The following ABI3BP variants were observed in gnomAD, a reference collection of about 807,000 sequenced individuals.
ABI3BP encodes target of Nesh-SH3.
In ABI3BP, 216 loss-of-function variants were observed where a neutral mutation model predicts 268.6. The ratio of observed to expected loss-of-function variants is 0.80; its 90% confidence interval spans 0.72 to 0.90. The LOEUF is 0.90. Ranked by LOEUF, ABI3BP falls within the 40% of genes least tolerant of loss-of-function variation. The pLI is 0.00. For missense variants in ABI3BP, 2,090 were observed against 2,182.4 expected (o/e 0.96, Z 0.84); for synonymous variants, 730 against 730.0 (o/e 1.00, Z 0.00).
Position 100,898,813 on chromosome 3 carries a change from A to G in ABI3BP, c.410T>C (p.Leu137Pro). ...TGTCCAGTCATGGTGTGGGTTGATG[A>G]GGAAACCCCAGGACAGGAAGACCGA... ...PSSVFLSWGFLINPHHDWTLP... is the reference protein window; with the variant it reads ...PSSVFLSWGFPINPHHDWTLP... Residue 137 changes from leucine to proline, a missense_variant, in exon 4 of 68, where the codon CTC becomes CCC. Leu to Pro is a moderately conservative substitution (Grantham distance 98). Coordinates refer to ENST00000471714, the MANE Select transcript of ABI3BP (RefSeq NM_001375547.2). 1 of 1,613,764 alleles carries G rather than the reference A, an allele frequency of 6.2e-7. No individual in the cohort carries two copies. Among genetic ancestry groups the G allele is most frequent in the Non-Finnish European group, 8.5e-7 (1 of 1,179,764 alleles).
chr3:100,886,630 G>A (rs750989481), intron 4 of ABI3BP, among the ~76,000 whole-genome samples: 12 of 151,846 alleles, frequency 7.9e-5, no homozygotes, highest in South Asian at 2.1e-4. Flanking sequence ...TAGAAAAAAC[G>A]TAGATATTAC....
chr3:100,973,246 A>G (rs756842961), intron 1 of ABI3BP, among the ~76,000 whole-genome samples: 2 of 152,160 alleles, frequency 1.3e-5, no homozygotes, highest in Non-Finnish European at 2.9e-5. Context: ...TGTATTAAGT[A>G]AGGCATCTTT....
In ABI3BP at chr3:100,842,031, G is replaced by C. The variant is rs2098712447; in HGVS notation, c.1732C>G (p.Pro578Ala). 1 of 1,534,660 alleles carries C rather than the reference G, an allele frequency of 6.5e-7. No individual in the cohort carries two copies. The highest frequency in any genetic ancestry group is 8.7e-7 in the Non-Finnish European group (1 of 1,145,798). Residue 578 changes from proline (P) to alanine (A), a missense_variant, in exon 21 of 68, where the codon CCT becomes GCT. By Grantham distance (27) the Pro-to-Ala change is conservative. Coordinates refer to ENST00000471714, the MANE Select transcript of ABI3BP (RefSeq NM_001375547.2). Reference protein sequence around the residue: ...EVTHTKPAPEPQTLLPSQSTI... With the variant: ...EVTHTKPAPEAQTLLPSQSTI... ...GACTGTGATGGCAGTAGAGTCTGAG[G>C]TTCTGGGGCTGTAATAAAAGCAAGT...
chr3:100,759,451 A>C (rs1321452524), intron 63 of ABI3BP, among the ~76,000 whole-genome samples: 1 of 152,106 alleles, frequency 6.6e-6, no homozygotes, highest in Non-Finnish European at 1.5e-5. Context: ...CCAAGGGGGC[A>C]CTCAGAAGAC....
At chr3:100,825,900 T>A (rs111867348) in intron 34 of ABI3BP, 56 bp from the exon 35 acceptor site, 212 of 1,287,328 alleles carry the variant, frequency 1.6e-4, no homozygotes, top group Non-Finnish European at 2.2e-4. Context: ...AGCTATAGTA[T>A]TCACATCAAA....
chr3:100,927,190 C>T (rs2062044380), intron 1 of ABI3BP, among the ~76,000 whole-genome samples: 3 of 152,070 alleles, frequency 2.0e-5, no homozygotes, highest in Admixed American at 1.3e-4. Flanking sequence ...GAAGAGAGAC[C>T]TTAATCAAAT....
In ABI3BP at chr3:100,877,215, C is replaced by A. The variant is rs151055804; in HGVS notation, c.697-655G>T. Among the ~76,000 whole-genome samples, 498 of 152,256 alleles carry A rather than the reference C, an allele frequency of 3.3e-3. 2 individuals carry two copies. The highest frequency in any genetic ancestry group is 0.012 in the African/African-American group (481 of 41,556). ...ATATGACACCGCCAAATTGTTTTTA[C>A]AGTCCCTCTCAAAAAGATGCTAAGC... On this transcript the variant is annotated intron_variant, in intron 6 of 67. Transcript: ENST00000471714.
In ABI3BP at chr3:100,864,505, G is replaced by A. The variant is rs967195123; in HGVS notation, c.1063+328C>T. ...AGAAAGCACAGAGTCAAGACTTCCAGGTTTCCTTCATTCTCCCCCAAGATT... is the reference window on the plus strand; with the variant it reads ...AGAAAGCACAGAGTCAAGACTTCCAAGTTTCCTTCATTCTCCCCCAAGATT... On this transcript the variant is annotated intron_variant, in intron 11 of 67. Coordinates refer to ENST00000471714, the MANE Select transcript of ABI3BP (RefSeq NM_001375547.2). The A allele has an allele frequency of 9.4e-6, 3 of 319,948 alleles. No homozygotes were observed. The Admixed American group carries it at 1.4e-4, about 15-fold the overall frequency. The allele number at this position is 319,948 out of a possible 1,614,324, so 19.8% of individuals were successfully genotyped here.
intron 59 of ABI3BP, 62 bp downstream of exon 59, chr3:100,778,222 G>T: frequency 1.3e-6 from 2 of 1,505,944 alleles, no homozygotes; most frequent in Non-Finnish European, 1.8e-6. Context: ...GCCAAGAAGA[G>T]CTTATGTTGG....
intron 54 of ABI3BP, among the ~76,000 whole-genome samples, 153 bp downstream of exon 54, chr3:100,794,770 A>G (rs1391868813): frequency 1.3e-5 from 2 of 152,050 alleles, no homozygotes; most frequent in African/African-American, 4.8e-5. Flanking sequence ...ATATTAGGAC[A>G]AATACACAGT....
intron 62 of ABI3BP, among the ~76,000 whole-genome samples, chr3:100,769,810 C>G (rs967797622): frequency 1.5e-4 from 23 of 152,180 alleles, no homozygotes; most frequent in African/African-American, 5.5e-4. Context: ...CAAAGGCTAG[C>G]TTTGCATGAG....
chr3:100,885,859 T>A (rs1268418312), intron 5 of ABI3BP, among the ~76,000 whole-genome samples: 1 of 152,016 alleles, frequency 6.6e-6, no homozygotes, highest in Non-Finnish European at 1.5e-5. Context: ...TCTGGTTCTG[T>A]TGGTGTTCGC....
intron 63 of ABI3BP, among the ~76,000 whole-genome samples, chr3:100,755,546 T>C (rs1041635661): frequency 2.0e-5 from 3 of 152,200 alleles, no homozygotes; most frequent in African/African-American, 7.2e-5. Context: ...CCTTAACCTT[T>C]TGTTAAACAA....
chr3:100,823,912 A>G (rs2098303118), intron 36 of ABI3BP, among the ~76,000 whole-genome samples: 1 of 152,194 alleles, frequency 6.6e-6, no homozygotes, highest in Admixed American at 6.5e-5. Context: ...GTAAACATGG[A>G]TACAAGAGAC....
At chr3:100,851,823 C>T in intron 15 of ABI3BP, 52 bp downstream of exon 15, 1 of 1,455,670 alleles carries the variant, frequency 6.9e-7, no homozygotes, top group South Asian at 1.3e-5. Flanking sequence ...GAAGAACCAC[C>T]AAGTGTTGGA....
chr3:100,801,043 C>A (rs1180217113), intron 51 of ABI3BP, among the ~76,000 whole-genome samples: 1 of 151,902 alleles, frequency 6.6e-6, no homozygotes, highest in African/African-American at 2.4e-5. Flanking sequence ...ATATCTAATT[C>A]TTTTAATCCT....
At chr3:100,771,914 T>C (rs773338543) in intron 61 of ABI3BP, among the ~76,000 whole-genome samples, 4 of 152,106 alleles carry the variant, frequency 2.6e-5, no homozygotes, top group Admixed American at 6.5e-5. Context: ...AGCTCAAAGA[T>C]ACCTAGAAAC....
intron 13 of ABI3BP, 191 bp from the exon 14 acceptor site, chr3:100,862,576 A>G (rs904772804): frequency 3.4e-6 from 2 of 585,970 alleles, no homozygotes; most frequent in Non-Finnish European, 6.0e-6. Context: ...TAGTGGTCAG[A>G]GAGAGACCAG....
intron 20 of ABI3BP, chr3:100,843,781 A>C: frequency 1.0e-6 from 1 of 984,336 alleles, no homozygotes; most frequent in Non-Finnish European, 1.2e-6. Context: ...GAAGATAGCA[A>C]ACAAAAAATT....
Sources: allele counts gnomAD v4.1 joint callset (sites outside exome capture counted in the v4.1 genomes callset), GRCh38; gene constraint gnomAD v4.1.1; transcripts MANE v1.5; gene names NCBI Gene and HGNC (gene_info 2026-07-23, HGNC 2026-07-21).